The following USP6 variants were observed in gnomAD, a reference collection of about 807,000 sequenced individuals.
USP6 encodes the protein ubiquitin carboxyl-terminal hydrolase 6.
USP6 carries 128 observed loss-of-function variants against 175.7 expected under a neutral mutation model. That is an observed-to-expected ratio of 0.73 (90% CI 0.63 to 0.84). The LOEUF is 0.84. USP6 is among the 40% of genes least tolerant of loss of function. The pLI, the probability that USP6 is intolerant of heterozygous loss-of-function variation, is 0.00. For synonymous variants in USP6, 562 were observed against 630.6 expected (o/e 0.89, Z 1.63); for missense variants, 1,498 against 1,760.3 (o/e 0.85, Z 2.67).
intron 31 of USP6, among the ~76,000 whole-genome samples, chr17:5,156,965 A>G (rs1203273435): frequency 2.0e-5 from 3 of 151,732 alleles, no homozygotes; most frequent in Non-Finnish European, 4.4e-5. Context: ...CCTGGCCTCA[A>G]GTGATCCATC....
intron 1 of USP6, among the ~76,000 whole-genome samples, chr17:5,117,131 G>A (rs950901365): frequency 9.2e-5 from 14 of 152,200 alleles, no homozygotes; most frequent in Admixed American, 5.2e-4. Flanking sequence ...ATTCTAATTA[G>A]TTTCTCTTCT....
rs926293793 is a variant in USP6 at position 5,155,408 on chromosome 17, G to A, written c.2644-14G>A. 1.6e-5 allele frequency: 26 copies of A among 1,611,502 alleles called. No individual in the cohort carries two copies. The highest frequency in any genetic ancestry group is 1.1e-4 in the African/African-American group (8 of 74,844). The stretch of plus-strand genomic sequence containing the variant: ...CCTGTCTTCTCAACTCTCTATTCTC[G>A]TTTGTACATACAGATGAGGACAGAA... On this transcript the variant is annotated splice_polypyrimidine_tract_variant and intron_variant, in intron 30 of 37. Coordinates refer to ENST00000574788, the MANE Select transcript of USP6 (RefSeq NM_001304284.2).
rs549672524 is a variant in USP6 at position 5,143,235 on chromosome 17, C to A, written c.1818+733C>A. On this transcript the variant is annotated intron_variant, in intron 25 of 37. Transcript: ENST00000574788. The stretch of plus-strand genomic sequence containing the variant: ...AGTGAGGAGCCCCTCTGCCCGGCCA[C>A]CACCCCGTCTGGGAGGTGTACCCAA... Among the ~76,000 whole-genome samples, 4 of 152,244 alleles carry A rather than the reference C, an allele frequency of 2.6e-5. No homozygotes were observed. In the South Asian group the frequency reaches 6.2e-4, roughly 24 times the overall value.
intron 30 of USP6, among the ~76,000 whole-genome samples, chr17:5,152,947 G>A (rs2073805492): frequency 6.6e-6 from 1 of 152,168 alleles, no homozygotes; most frequent in African/African-American, 2.4e-5. Context: ...AGCAAGCTGA[G>A]ATCACACCAC....
intron 30 of USP6, among the ~76,000 whole-genome samples, chr17:5,151,364 G>A (rs2073765168): frequency 6.6e-6 from 1 of 152,030 alleles, no homozygotes; most frequent in Admixed American, 6.6e-5. Flanking sequence ...ATTTTAAGAT[G>A]TCAGTTCTCT....
At chr17:5,117,914 C>T (rs1006287680) in intron 1 of USP6, among the ~76,000 whole-genome samples, 1 of 152,012 alleles carries the variant, frequency 6.6e-6, no homozygotes, top group Non-Finnish European at 1.5e-5. Context: ...ATGGTGTTAG[C>T]TGGGTGTACT....
Position 5,137,741 on chromosome 17 carries a change from G to A in USP6, c.916G>A (p.Val306Ile). 2 of 1,608,160 alleles carry A rather than the reference G, an allele frequency of 1.2e-6. No homozygotes were observed. Among genetic ancestry groups the A allele is most frequent in the Non-Finnish European group, 1.7e-6 (2 of 1,176,244 alleles). Residue 306 changes from valine (V) to isoleucine (I), a missense_variant, in exon 20 of 38, where the codon GTT becomes ATT. Physicochemically the swap from Val to Ile is conservative, Grantham distance 29. Around this residue, in one of 2 missense-constraint regions of USP6, gnomAD observed 1,217 missense variants for 1,500.8 expected, o/e 0.81. Transcript: ENST00000574788. ...LMPITSIALK[V>I]QQKRLMKTSR... ...GCCAATAACCAGCATTGCTCTTAAGGTTCAGCAGAGTAAGTCTACGTGTGC... is the reference window on the plus strand; with the variant it reads ...GCCAATAACCAGCATTGCTCTTAAGATTCAGCAGAGTAAGTCTACGTGTGC...
At chr17:5,131,864 C>T (rs2073078585) in intron 11 of USP6, among the ~76,000 whole-genome samples, 2 of 151,920 alleles carry the variant, frequency 1.3e-5, no homozygotes, top group African/African-American at 4.8e-5. Context: ...GTGTGTGGCT[C>T]AGATGCAGGG....
At chr17:5,139,849 C>T (rs976404724) in intron 22 of USP6, among the ~76,000 whole-genome samples, 175 bp downstream of exon 22, 3 of 152,156 alleles carry the variant, frequency 2.0e-5, no homozygotes, top group Non-Finnish European at 4.4e-5. Flanking sequence ...GTTCTCAGTT[C>T]CCTCCAGGCT....
Position 5,132,477 on chromosome 17 carries a change from G to T in USP6, c.195+42G>T. The T allele has an allele frequency of 6.2e-7, 1 of 1,612,038 alleles. No individual in the cohort carries two copies. Among genetic ancestry groups the T allele is most frequent in the South Asian group, 1.1e-5 (1 of 90,994 alleles). ...TGGAGGGGCTGGTCCAGGGACGTAGGGACTGGGCGGGTGGTCAGTGAGGCA... is the reference window on the plus strand; with the variant it reads ...TGGAGGGGCTGGTCCAGGGACGTAGTGACTGGGCGGGTGGTCAGTGAGGCA... On this transcript the variant is annotated intron_variant, in intron 12 of 37. Coordinates refer to ENST00000574788, the MANE Select transcript of USP6 (RefSeq NM_001304284.2). This position sits in a 1 kb window ranked among gnomAD's most constrained non-coding sequence, Gnocchi z 4.7.
Position 5,172,974 on chromosome 17 carries a change from A to T in USP6, c.4217A>T (p.Gln1406Leu), listed in dbSNP as rs564644814. 7 of 1,613,766 alleles carry T rather than the reference A, an allele frequency of 4.3e-6. No individual in the cohort carries two copies. The South Asian group carries it at 6.6e-5, about 15-fold the overall frequency. The part of the protein sequence containing the change: ...ESDYEKYSML[Q>L] ...GATTACGAAAAGTACTCTATGTTAC[A>T]GTAAAGCTACCACTCTGGCTGCTAG... is the stretch of plus-strand genomic sequence containing the variant. The change falls in exon 38 of 38, where the codon CAG becomes CTG. Residue 1406 changes from glutamine to leucine, a missense_variant. Transcript: ENST00000574788.
chr17:5,171,575 T>C lies in USP6; in HGVS notation c.3955-12T>C. On this transcript the variant is annotated splice_polypyrimidine_tract_variant and intron_variant, in intron 36 of 37. Transcript: ENST00000574788. ...AACTACTAACATACCTCCACTCTCTTATCTCTTACAGTGCCATTCAGGAAT... is the reference window on the plus strand; with the variant it reads ...AACTACTAACATACCTCCACTCTCTCATCTCTTACAGTGCCATTCAGGAAT... 2 of 1,613,526 alleles carry C rather than the reference T, an allele frequency of 1.2e-6. No individual in the cohort carries two copies. The highest frequency in any genetic ancestry group is 2.2e-5 in the East Asian group (1 of 44,844).
At chr17:5,167,868 A>C (rs1211546680) in intron 33 of USP6, 64 bp from the exon 34 acceptor site, 2 of 1,545,676 alleles carry the variant, frequency 1.3e-6, no homozygotes, top group Non-Finnish European at 1.8e-6. Flanking sequence ...GTTGATGCAT[A>C]GCTAGATCAC....
chr17:5,142,291 G>C (rs1268522159), intron 24 of USP6, 106 bp from the exon 25 acceptor site: 1 of 1,539,040 alleles, frequency 6.5e-7, no homozygotes, highest in Non-Finnish European at 8.8e-7. Flanking sequence ...TACATCTCTT[G>C]TTTCAAAAAG....
chr17:5,135,001 A>G (rs1220662594), intron 15 of USP6: 2 of 475,762 alleles, frequency 4.2e-6, no homozygotes, highest in African/African-American at 4.0e-5. Context: ...AAGAAAAAAA[A>G]AATCATTCAG....
In USP6 at chr17:5,171,627, A is replaced by G; in HGVS notation, c.3995A>G (p.Tyr1332Cys). 6.2e-7 allele frequency: 1 copy of G among 1,613,852 alleles called. No homozygotes were observed. Among genetic ancestry groups the G allele is most frequent in the East Asian group, 2.2e-5 (1 of 44,844 alleles). The stretch of plus-strand genomic sequence containing the variant: ...CTGAGTGGGGGCCATTACATCACTT[A>G]TGCCAAAAACCCAAACTGCAAGTGG... ...GILSGGHYIT[Y>C]AKNPNCKWYC... is the part of the protein sequence containing the mutation. The change falls in exon 37 of 38, where the codon TAT becomes TGT. Residue 1332 changes from tyrosine (Y) to cysteine (C), a missense_variant. Tyr to Cys is a radical substitution (Grantham distance 194, BLOSUM62 -2). Transcript: ENST00000574788.
chr17:5,153,218 C>T (rs1385368489), intron 30 of USP6, among the ~76,000 whole-genome samples: 1 of 152,178 alleles, frequency 6.6e-6, no homozygotes. Flanking sequence ...TTTGAGTGCT[C>T]ACTATATTCT....
At chr17:5,153,167 G>T (rs1315785552) in intron 30 of USP6, among the ~76,000 whole-genome samples, 3 of 152,210 alleles carry the variant, frequency 2.0e-5, no homozygotes, top group African/African-American at 7.2e-5. Context: ...CCTTTGTGAG[G>T]AAGGGAGAAT....
chr17:5,168,818 C>A lies in USP6; in HGVS notation c.3280C>A (p.Gln1094Lys), dbSNP rs772827435. Reference protein sequence around the residue: ...QFVNDQWIKSQKIVRFLRESF... With the variant: ...QFVNDQWIKSKKIVRFLRESF... ...TGTAAATGATCAGTGGATAAAATCA[C>A]AGAAAATTGTCAGATTTCTTCGGGA... Residue 1094 changes from glutamine to lysine, a missense_variant, in exon 35 of 38, where the codon CAG (glutamine) becomes AAG (lysine). Transcript: ENST00000574788. 3.1e-6 allele frequency: 5 copies of A among 1,609,988 alleles called. No individual in the cohort carries two copies. The Middle Eastern group carries it at 6.6e-4, about 213-fold the overall frequency.
Sources: gnomAD v4.1 joint callset for allele counts (sites outside exome capture counted in the v4.1 genomes callset) on GRCh38, gnomAD v4.1.1 for gene constraint, gnomAD v4.1.1 regional missense constraint, Gnocchi (gnomAD v3.1) non-coding constraint, MANE v1.5 for transcripts, NCBI Gene and HGNC (gene_info 2026-07-23, HGNC 2026-07-21) for gene names.